The following PRCD variants were observed in gnomAD, a reference collection of about 807,000 sequenced individuals.
PRCD encodes photoreceptor disc component, also known as photoreceptor disk component PRCD.
A neutral mutation model predicts 10.1 loss-of-function variants in PRCD; 12 were observed. The ratio of observed to expected loss-of-function variants is 1.18; its 90% CI spans 0.76 to 1.92. PRCD has a LOEUF of 1.92. Among genes scored for constraint, PRCD ranks in the 40% most tolerant of loss-of-function variants. The pLI, the probability that PRCD is intolerant of heterozygous loss-of-function variation, is 0.00. For synonymous variants in PRCD, 31 were observed against 26.2 expected, an observed-to-expected ratio of 1.18 and a Z score of -0.56; for missense variants, 61 against 72.2, an observed-to-expected ratio of 0.84 and a Z score of 0.56.
Position 76,528,041 on chromosome 17 carries a change from C to G in PRCD, n.45+208C>G, listed in dbSNP as rs2074787806. On this transcript the variant is annotated intron_variant and non_coding_transcript_variant, in intron 1 of 4. Coordinates refer to the PRCD transcript ENST00000397633. The surrounding 1 kb of genome is among the most constrained non-coding windows in gnomAD (Gnocchi z 5.8). ...CACTCTGTTCTCTGCACAACCGGAA[C>G]CCCTCCCTGCCCCACTCACAGGTGG... The G allele has an allele frequency of 2.7e-6, 1 of 365,308 alleles. No individual in the cohort carries two copies. Among genetic ancestry groups the G allele is most frequent in the South Asian group, 2.4e-5 (1 of 42,302 alleles). 22.6% of individuals were successfully genotyped at this position (365,308 alleles called of 1,614,324 possible). A position where few individuals can be genotyped will look rare whatever the true frequency, so the allele number is the denominator to read the frequency against.
chr17:76,529,445 C>T, intron 1 of PRCD: 5 of 985,396 alleles, frequency 5.1e-6, no homozygotes, highest in Non-Finnish European at 6.0e-6. Context: ...GTCCCTAGGG[C>T]AGGGTGGGGA....
At chr17:76,537,354 T>C (rs747186615), upstream of PRCD, 24 of 1,538,114 alleles carry the variant, frequency 1.6e-5, no homozygotes, top group South Asian at 2.8e-4. Flanking sequence ...CCGGAGCCGC[T>C]GCCGCCCTCC....
chr17:76,551,054 T>C (rs1052449079), intron 1 of PRCD: 6 of 152,252 alleles, frequency 3.9e-5, no homozygotes, highest in African/African-American at 1.4e-4. Context: ...CCTCCTGGGT[T>C]GCAGACAATG....
chr17:76,540,523 TG>T lies in PRCD; in HGVS notation c.97del (p.Ala33GlnfsTer21). 1 of 1,612,898 alleles carries T rather than the reference TG, an allele frequency of 6.2e-7. No homozygotes were observed. Among genetic ancestry groups the T allele is most frequent in the Non-Finnish European group, 8.5e-7 (1 of 1,179,742 alleles). ...CCCACAGAGAGCCCAGCGACGTGGA[TG>T]GGGCAGCTAGGGGCAGCAGCTTGGA... Reference protein sequence around the residue: ...RVQPEPSDVDGAARGSSLDAD... With the variant: ...RVQPEPSDVDXAARGSSLDAD... On this transcript the variant is annotated frameshift_variant, in exon 2 of 5. Transcript: ENST00000592014. LOFTEE classifies it high-confidence loss of function. This position sits in a 1 kb window ranked among gnomAD's most constrained non-coding sequence, Gnocchi z 5.0.
At chr17:76,534,140 T>TC (rs2074885005) in intron 1 of PRCD, among the ~76,000 whole-genome samples, 1 of 102,406 alleles carries the variant, frequency 9.8e-6, no homozygotes, top group Non-Finnish European at 2.2e-5. Flanking sequence ...CTCTCTCTCT[T>TC]TCTCTTTCTC....
Position 76,540,777 on chromosome 17 carries a change from G to A in PRCD, c.143+204G>A, listed in dbSNP as rs931637342. Among the ~76,000 whole-genome samples, 1 of 152,196 alleles carries A rather than the reference G, an allele frequency of 6.6e-6. No individual in the cohort carries two copies. Among genetic ancestry groups the A allele is most frequent in the Non-Finnish European group, 1.5e-5 (1 of 68,030 alleles). ...GGTTGGGAATGGGAACCCTCAGCTC[G>A]CTCCTCTGGACCAAAGCCGCTGTGC... On this transcript the variant is annotated intron_variant, in intron 2 of 4. Coordinates refer to ENST00000592014, the MANE Select transcript of PRCD (RefSeq NM_001077620.3). The surrounding 1 kb of genome is among the most constrained non-coding windows in gnomAD (Gnocchi z 5.0).
chr17:76,547,712 C>G (rs968131284), downstream of PRCD, among the ~76,000 whole-genome samples: 1 of 150,242 alleles, frequency 6.7e-6, no homozygotes, highest in Admixed American at 6.6e-5. Flanking sequence ...CACACACACA[C>G]AGAGACACAT....
intron 4 of PRCD, 23 bp downstream of exon 4, chr17:76,543,144 G>A (rs747916435): frequency 6.4e-6 from 3 of 467,924 alleles, no homozygotes; most frequent in South Asian, 1.6e-5. Flanking sequence ...CTCTCAGCCC[G>A]GGACCTGCCA....
At position 76,532,294 on chromosome 17, in the gene PRCD, G is replaced by A. The variant is rs562498380; in HGVS notation, n.45+4461G>A. Among the ~76,000 whole-genome samples, 62 of 152,228 alleles carry A rather than the reference G, an allele frequency of 4.1e-4. No homozygotes were observed. In the Middle Eastern group the frequency reaches 0.01, roughly 25 times the overall value. On this transcript the variant is annotated intron_variant and non_coding_transcript_variant, in intron 1 of 4. Coordinates refer to the PRCD transcript ENST00000397633. The stretch of plus-strand genomic sequence containing the variant: ...TGGCTCAGCGGCTTTACTTACAGTT[G>A]GGAAAATGTTCCTCGGGTGAGCCAC...
chr17:76,540,987 G>A lies in PRCD; in HGVS notation c.143+414G>A, dbSNP rs1368469851. ...GCTGCCTGAGCCTCCAGCAGGATTC[G>A]CTGTCCAGTCCCCAATAGAAGGCGC... On this transcript the variant is annotated intron_variant, in intron 2 of 4. Coordinates refer to ENST00000592014, the MANE Select transcript of PRCD (RefSeq NM_001077620.3). The surrounding 1 kb of genome is among the most constrained non-coding windows in gnomAD (Gnocchi z 5.0). Among the ~76,000 whole-genome samples the A allele has an allele frequency of 1.3e-5, 2 of 152,182 alleles. No homozygotes were observed. The highest frequency in any genetic ancestry group is 2.4e-5 in the African/African-American group (1 of 41,438).
rs1301740803 is a variant in PRCD at position 76,544,887 on chromosome 17, C to T, written c.*1237C>T. On this transcript the variant is annotated 3_prime_UTR_variant, in exon 5 of 5. Coordinates refer to ENST00000592014, the MANE Select transcript of PRCD (RefSeq NM_001077620.3). The stretch of plus-strand genomic sequence containing the variant: ...GCCCAGACGCACTTCCCCAGGGCAG[C>T]GCCCCTCCACGCCACTGTTCCGAGA... The T allele has an allele frequency of 6.6e-6, 3 of 456,672 alleles. No individual in the cohort carries two copies. Among genetic ancestry groups the T allele is most frequent in the South Asian group, 3.1e-5 (2 of 64,582 alleles). 28.3% of individuals were successfully genotyped at this position (456,672 alleles called of 1,614,324 possible).
intron 4 of PRCD, 137 bp downstream of exon 4, chr17:76,543,258 C>G (rs749346277): frequency 5.5e-6 from 2 of 362,356 alleles, no homozygotes; most frequent in Non-Finnish European, 1.1e-5. Context: ...GGCTTCCTTC[C>G]CTCTGAGTTC....
Position 76,540,079 on chromosome 17 carries a change from T to G in PRCD, c.-63T>G. ...GGCTCCTGAGAGCTGGCTGGGGCCA[T>G]TTTGGCCCCTCGCCTGTGGCCTTCT... On this transcript the variant is annotated 5_prime_UTR_variant, in exon 1 of 5. Coordinates refer to ENST00000592014, the MANE Select transcript of PRCD (RefSeq NM_001077620.3). The surrounding 1 kb of genome is among the most constrained non-coding windows in gnomAD (Gnocchi z 5.0). The G allele has an allele frequency of 1.4e-5, 21 of 1,501,830 alleles. No homozygotes were observed. The highest frequency in any genetic ancestry group is 1.7e-4 in the Middle Eastern group (1 of 5,902). The allele number at this position is 1,501,830 out of a possible 1,614,324, so 93.0% of individuals were successfully genotyped here.
At chr17:76,540,025 C>T, upstream of PRCD, 1 of 1,101,616 alleles carries the variant, frequency 9.1e-7, no homozygotes. This position sits in a 1 kb window ranked among gnomAD's most constrained non-coding sequence, Gnocchi z 5.0. Flanking sequence ...TAATCCATCC[C>T]CAGCAGGAAC....
exon 5 of PRCD, chr17:76,545,373 T>TGTCCGCACTGAGGCTGA: frequency 2.2e-6 from 1 of 456,686 alleles, no homozygotes; most frequent in Non-Finnish European, 4.4e-6. Context: ...ACTATGACAC[T>TGTCCGCACTGAGGCTGA]GTCCCCACTG....
At chr17:76,537,455 T>G, upstream of PRCD, 1 of 1,597,614 alleles carries the variant, frequency 6.3e-7, no homozygotes, top group Non-Finnish European at 8.5e-7. Flanking sequence ...CGGGCCCACA[T>G]AGCCTGCACC....
At chr17:76,543,161 C>G (rs1208197242) in intron 4 of PRCD, 40 bp downstream of exon 4, 1 of 463,942 alleles carries the variant, frequency 2.2e-6, no homozygotes, top group East Asian at 7.0e-5. Flanking sequence ...GCCAGTCTCC[C>G]CTTCCCCCAG....
At chr17:76,541,321 T>G (rs1435717086) in intron 2 of PRCD, among the ~76,000 whole-genome samples, 1 of 152,198 alleles carries the variant, frequency 6.6e-6, no homozygotes, top group Admixed American at 6.5e-5. Flanking sequence ...GAAGAGTGAC[T>G]TTTTTGCTCC....
chr17:76,534,146 T>TCTCTCTCTCTCTCTCTC (rs2074885915), intron 1 of PRCD, among the ~76,000 whole-genome samples: 1 of 128,904 alleles, frequency 7.8e-6, no homozygotes, highest in Admixed American at 8.4e-5. Context: ...CTCTTTCTCT[T>TCTCTCTCTCTCTCTCTC]TCTCTCTCTC....
Sources: allele counts gnomAD v4.1 joint callset (sites outside exome capture counted in the v4.1 genomes callset), GRCh38; gene constraint gnomAD v4.1.1; non-coding constraint Gnocchi (gnomAD v3.1); transcripts MANE v1.5; gene names NCBI Gene and HGNC (gene_info 2026-07-23, HGNC 2026-07-21).